The following NFX1 variants were observed in gnomAD, a reference collection of about 807,000 sequenced individuals.
NFX1 encodes the protein nuclear transcription factor, X-box binding 1.
NFX1 carries 69 observed loss-of-function variants against 137.2 expected under a neutral mutation model. The observed-to-expected ratio is 0.50, with a 90% CI of 0.41 to 0.61. The LOEUF is 0.61. Among genes scored for constraint, NFX1 ranks in the 20% least tolerant of loss-of-function variants. The pLI is 0.00. For synonymous variants in NFX1, 495 were observed against 474.1 expected (o/e 1.04, Z -0.57); for missense variants, 1,167 against 1,391.0 (o/e 0.84, Z 2.56).
At chr9:33,307,743 C>T (rs948304445) in intron 5 of NFX1, among the ~76,000 whole-genome samples, 5 of 151,210 alleles carry the variant, frequency 3.3e-5, no homozygotes, top group African/African-American at 7.3e-5. Flanking sequence ...GGGTCCCGGT[C>T]GGACAGTATT....
intron 11 of NFX1, among the ~76,000 whole-genome samples, chr9:33,335,227 C>CTTTTTTTTTTTT (rs57459026): frequency 3.8e-5 from 5 of 130,512 alleles, no homozygotes; most frequent in African/African-American, 9.6e-5. Context: ...CTTTCTTTTT[C>CTTTTTTTTTTTT]TTTTTTTTTT....
At chr9:33,326,181 G>C (rs1445065733) in intron 9 of NFX1, among the ~76,000 whole-genome samples, 1 of 152,166 alleles carries the variant, frequency 6.6e-6, no homozygotes, top group African/African-American at 2.4e-5. Flanking sequence ...GGGAGGCCAA[G>C]GTGGGCAGAT....
At chr9:33,317,973 CAAAAAAAA>C (rs5897542) in intron 7 of NFX1, among the ~76,000 whole-genome samples, 6 of 44,398 alleles carry the variant, frequency 1.4e-4, no homozygotes, top group African/African-American at 4.6e-4. Flanking sequence ...GACTCTGTCT[CAAAAAAAA>C]AAAAAAAAAA....
chr9:33,353,173 C>T (rs1823699986), intron 17 of NFX1, among the ~76,000 whole-genome samples: 1 of 152,124 alleles, frequency 6.6e-6, no homozygotes, highest in Admixed American at 6.5e-5. Context: ...TTCCTCCTTC[C>T]TCTTTCTTTT....
chr9:33,299,067 G>C (rs1335624404), intron 2 of NFX1, among the ~76,000 whole-genome samples: 3 of 152,224 alleles, frequency 2.0e-5, no homozygotes, highest in African/African-American at 7.2e-5. Context: ...AATAATTTCA[G>C]ATTTATAGAA....
chr9:33,303,121 TTAAATTTTTTTAATTACATG>T, intron 3 of NFX1, 50 bp from the exon 4 acceptor site: 1 of 1,215,030 alleles, frequency 8.2e-7, no homozygotes, highest in South Asian at 1.2e-5. Flanking sequence ...TCCTATAGAT[TTAAATTTTTTTAATTACATG>T]TAGCTTTTGG....
chr9:33,326,486 A>G (rs111324389), intron 9 of NFX1, among the ~76,000 whole-genome samples: 7 of 149,308 alleles, frequency 4.7e-5, no homozygotes, highest in African/African-American at 1.7e-4. Flanking sequence ...CAGGAGGCTG[A>G]GGTGGAAGGA....
intron 11 of NFX1, among the ~76,000 whole-genome samples, chr9:33,338,080 C>T (rs1388142653): frequency 1.0e-4 from 15 of 150,666 alleles, no homozygotes; most frequent in Admixed American, 8.6e-4. Flanking sequence ...AAAGGCCAGG[C>T]GTGTTGGCTC....
At position 33,301,430 on chromosome 9, in the gene NFX1, A is replaced by G. The variant is rs780219736; in HGVS notation, c.1192+9A>G. On this transcript the variant is annotated intron_variant, in intron 3 of 23. Coordinates refer to ENST00000379540, the MANE Select transcript of NFX1 (RefSeq NM_002504.6). Reference sequence around the variant, plus strand: ...TCCAGCATCTCAAGCAGGTCAATTAATTCTCTCTTCTGAGTAGTTATTCTC... The same window carrying G: ...TCCAGCATCTCAAGCAGGTCAATTAGTTCTCTCTTCTGAGTAGTTATTCTC... The G allele has an allele frequency of 3.1e-6, 5 of 1,613,000 alleles. No individual in the cohort carries two copies. The highest frequency in any genetic ancestry group is 4.2e-6 in the Non-Finnish European group (5 of 1,179,564).
At chr9:33,358,216 C>G (rs917446232) in intron 19 of NFX1, among the ~76,000 whole-genome samples, 4 of 149,620 alleles carry the variant, frequency 2.7e-5, no homozygotes, top group African/African-American at 9.9e-5. Flanking sequence ...GCTCCACCTC[C>G]CGGGTTCACG....
intron 3 of NFX1, 145 bp downstream of exon 3, chr9:33,301,566 T>C: frequency 2.8e-6 from 2 of 725,908 alleles, no homozygotes; most frequent in Non-Finnish European, 4.2e-6. Flanking sequence ...ATGTGTTTCA[T>C]ATGACCAGAA....
chr9:33,368,758 C>G (rs995795432), intron 23 of NFX1, among the ~76,000 whole-genome samples: 1 of 152,290 alleles, frequency 6.6e-6, no homozygotes, highest in East Asian at 1.9e-4. Context: ...AGGGTGGTTA[C>G]GGCAGTTCAC....
chr9:33,300,700 T>C (rs1029534232), intron 2 of NFX1, among the ~76,000 whole-genome samples: 1 of 152,360 alleles, frequency 6.6e-6, no homozygotes, highest in Admixed American at 6.5e-5. Flanking sequence ...TTTGAGCTCC[T>C]GGAGCCAGGG....
At chr9:33,324,482 T>C (rs1457152493) in intron 9 of NFX1, among the ~76,000 whole-genome samples, 1 of 150,826 alleles carries the variant, frequency 6.6e-6, no homozygotes, top group East Asian at 2.0e-4. Context: ...GTCCAAGAGG[T>C]TGAGGTTGCA....
intron 13 of NFX1, among the ~76,000 whole-genome samples, chr9:33,343,816 G>A (rs1391546149): frequency 1.3e-5 from 2 of 152,100 alleles, no homozygotes; most frequent in East Asian, 3.9e-4. Context: ...GAAATATGTT[G>A]GGAAAAGTAT....
chr9:33,353,947 C>T, intron 17 of NFX1, 139 bp from the exon 18 acceptor site: 1 of 685,980 alleles, frequency 1.5e-6, no homozygotes, highest in Non-Finnish European at 2.3e-6. Flanking sequence ...GCCTTGGTTT[C>T]CCAAAGTGCT....
At chr9:33,339,385 G>T (rs1327816291) in intron 12 of NFX1, among the ~76,000 whole-genome samples, 2 of 152,172 alleles carry the variant, frequency 1.3e-5, no homozygotes, top group Non-Finnish European at 2.9e-5. Flanking sequence ...AAAGCCATCA[G>T]ATCTCATGAG....
At chr9:33,305,429 C>CT (rs1385939595) in intron 4 of NFX1, among the ~76,000 whole-genome samples, 1 of 152,114 alleles carries the variant, frequency 6.6e-6, no homozygotes, top group African/African-American at 2.4e-5. Flanking sequence ...AGCCCAGGAT[C>CT]TATGATGGTA....
intron 17 of NFX1, among the ~76,000 whole-genome samples, chr9:33,353,138 T>C (rs377672232): frequency 7.2e-5 from 11 of 152,376 alleles, no homozygotes; most frequent in African/African-American, 2.2e-4. Context: ...CTTTAGTGTG[T>C]AAAATAACTT....
Sources: gnomAD v4.1 joint callset for allele counts (sites outside exome capture counted in the v4.1 genomes callset) on GRCh38, gnomAD v4.1.1 for gene constraint, MANE v1.5 for transcripts, NCBI Gene and HGNC (gene_info 2026-07-23, HGNC 2026-07-21) for gene names.